COL28A1: variants seen among roughly 807,000 people sequenced by gnomAD.
COL28A1 encodes the protein collagen type XXVIII alpha 1 chain.
A neutral mutation model predicts 150.2 loss-of-function variants in COL28A1; 161 were observed. The ratio of observed to expected loss-of-function variants is 1.07; its 90% CI spans 0.94 to 1.22. The LOEUF (loss-of-function observed/expected upper bound fraction) is 1.22. Among genes scored for constraint, COL28A1 ranks in the 50% most tolerant of loss-of-function variants. The pLI is 0.00. For synonymous variants in COL28A1, 552 were observed against 469.7 expected (o/e 1.18, Z -2.26); for missense variants, 1,617 against 1,388.3 (o/e 1.16, Z -2.62).
At chr7:7,500,367 T>A (rs1484489143) in intron 11 of COL28A1, among the ~76,000 whole-genome samples, 1 of 152,236 alleles carries the variant, frequency 6.6e-6, no homozygotes, top group Non-Finnish European at 1.5e-5. Context: ...TGTGAATTAG[T>A]GTGCAAAGCA....
Position 7,432,489 on chromosome 7 carries a change from C to A in COL28A1, c.1982G>T (p.Gly661Val), listed in dbSNP as rs1785040353. ...PPGPMGLRGVGDTGAKGEPGV... is the reference protein window; with the variant it reads ...PPGPMGLRGVVDTGAKGEPGV... ...AAGTCTTACCTTTGCTCCAGTGTCT[C>A]CCACTCCACGTAAACCCATCGGCCC... Residue 661 changes from glycine (G) to valine (V), a missense_variant, in exon 25 of 35, where the codon GGA becomes GTA. Coordinates refer to ENST00000399429, the MANE Select transcript of COL28A1 (RefSeq NM_001037763.3). 1 of 1,613,946 alleles carries A rather than the reference C, an allele frequency of 6.2e-7. No individual in the cohort carries two copies. Among genetic ancestry groups the A allele is most frequent in the Non-Finnish European group, 8.5e-7 (1 of 1,179,974 alleles).
chr7:7,482,131 C>T (rs1414732048), intron 13 of COL28A1, among the ~76,000 whole-genome samples: 1 of 152,172 alleles, frequency 6.6e-6, no homozygotes, highest in Non-Finnish European at 1.5e-5. Context: ...ATACGAAACA[C>T]TTGAAATAAT....
chr7:7,393,977 G>GA (rs34143609), intron 27 of COL28A1, among the ~76,000 whole-genome samples: 14 of 148,416 alleles, frequency 9.4e-5, no homozygotes, highest in East Asian at 6.0e-4. Flanking sequence ...ACTGGGGTAT[G>GA]AAAAAAAAAA....
At chr7:7,540,303 T>C (rs1782762540), upstream of COL28A1, among the ~76,000 whole-genome samples, 1 of 152,234 alleles carries the variant, frequency 6.6e-6, no homozygotes, top group South Asian at 2.1e-4. Flanking sequence ...ATATTTCTAT[T>C]TTTCACTTAG....
intron 27 of COL28A1, among the ~76,000 whole-genome samples, chr7:7,381,953 T>G (rs1179242421): frequency 6.6e-6 from 1 of 152,192 alleles, no homozygotes; most frequent in African/African-American, 2.4e-5. Context: ...CTATTTCAGC[T>G]ATGGTAGTAA....
intron 13 of COL28A1, among the ~76,000 whole-genome samples, chr7:7,489,161 AT>A (rs1779782169): frequency 6.6e-6 from 1 of 152,126 alleles, no homozygotes; most frequent in African/African-American, 2.4e-5. Context: ...GTCCCAGCTA[AT>A]TAGAGGCTGA....
rs776437433 is a variant in COL28A1, at chr7:7,370,793, C to G, written c.2998G>C (p.Gly1000Arg). ...AGTTCTTCCCCTGACATCCCAAATC[C>G]AGGTTGAGGTGACGATGAACCAAAA... ...QIFGSSSPQP[G>R]FGMSGEELSE... The change falls in exon 33 of 35, where the codon GGA (glycine) becomes CGA (arginine). Residue 1000 changes from glycine to arginine, a missense_variant. By Grantham distance (125) the Gly-to-Arg change is moderately radical. Transcript: ENST00000399429. The G allele has an allele frequency of 1.2e-6, 2 of 1,613,642 alleles. No individual in the cohort carries two copies. Among genetic ancestry groups the G allele is most frequent in the Admixed American group, 3.3e-5 (2 of 59,994 alleles).
chr7:7,443,245 A>G (rs1226609744), intron 20 of COL28A1, among the ~76,000 whole-genome samples: 1 of 152,220 alleles, frequency 6.6e-6, no homozygotes, highest in Admixed American at 6.5e-5. Context: ...TTATTGCATG[A>G]GATTTTATAA....
At chr7:7,368,056 G>A (rs943179194) in intron 33 of COL28A1, among the ~76,000 whole-genome samples, 1 of 151,842 alleles carries the variant, frequency 6.6e-6, no homozygotes, top group African/African-American at 2.4e-5. Flanking sequence ...TCATTTTCCT[G>A]GACTATCACG....
At chr7:7,363,986 A>G (rs1780806026) in intron 33 of COL28A1, among the ~76,000 whole-genome samples, 1 of 152,100 alleles carries the variant, frequency 6.6e-6, no homozygotes, top group African/African-American at 2.4e-5. Flanking sequence ...CTACTCCCAG[A>G]ATATCTGGTC....
At chr7:7,362,923 T>G (rs1434485842) in intron 33 of COL28A1, among the ~76,000 whole-genome samples, 1 of 152,168 alleles carries the variant, frequency 6.6e-6, no homozygotes, top group Non-Finnish European at 1.5e-5. Flanking sequence ...CTCAAACTCC[T>G]GGCTTCAAGT....
chr7:7,532,579 C>T (rs184880619), intron 2 of COL28A1, among the ~76,000 whole-genome samples, 173 bp downstream of exon 2: 1 of 152,142 alleles, frequency 6.6e-6, no homozygotes, highest in African/African-American at 2.4e-5. Flanking sequence ...ATTAAAGACT[C>T]TGATGTGCTA....
intron 8 of COL28A1, among the ~76,000 whole-genome samples, chr7:7,514,144 A>G (rs1781296749): frequency 2.0e-5 from 3 of 152,060 alleles, no homozygotes; most frequent in Admixed American, 2.0e-4. Flanking sequence ...CCTTGTGTTG[A>G]TAACTACCTC....
At chr7:7,364,149 C>A (rs1182480339) in intron 33 of COL28A1, among the ~76,000 whole-genome samples, 2 of 152,188 alleles carry the variant, frequency 1.3e-5, no homozygotes, top group African/African-American at 4.8e-5. Flanking sequence ...ATGCACAGTA[C>A]CTTCTGACTC....
intron 11 of COL28A1, among the ~76,000 whole-genome samples, chr7:7,503,608 T>C (rs1179273785): frequency 6.6e-6 from 1 of 152,204 alleles, no homozygotes; most frequent in East Asian, 1.9e-4. Flanking sequence ...CAAAGTATAG[T>C]ACATTCTGGG....
At chr7:7,443,468 A>T in intron 20 of COL28A1, 117 bp downstream of exon 20, 1 of 1,458,136 alleles carries the variant, frequency 6.9e-7, no homozygotes, top group Non-Finnish European at 9.2e-7. Context: ...TCATACTTTT[A>T]AGCCAGACAT....
chr7:7,490,045 C>T (rs994325166), intron 12 of COL28A1, among the ~76,000 whole-genome samples: 3 of 152,184 alleles, frequency 2.0e-5, no homozygotes, highest in Non-Finnish European at 2.9e-5. Flanking sequence ...ATTGTCACAA[C>T]CACTTGGAAA....
At chr7:7,526,325 A>T (rs1363331302) in intron 3 of COL28A1, among the ~76,000 whole-genome samples, 1 of 150,022 alleles carries the variant, frequency 6.7e-6, no homozygotes, top group Non-Finnish European at 1.5e-5. Flanking sequence ...ACTACTCGGC[A>T]GTTAAAGTGA....
rs536154627 is a variant in COL28A1, at chr7:7,361,768, G to C, written c.3067-1240C>G. On this transcript the variant is annotated intron_variant, in intron 33 of 34. Transcript: ENST00000399429. ...TTGCAGCACTACTCACAATAGCAAA[G>C]ACTTGAACCAACCCAAATGCTCATC... 2.7e-4 allele frequency among the ~76,000 whole-genome samples: 16 copies of C among 58,214 alleles called. No homozygotes were observed. The Admixed American group carries it at 2.9e-3, about 11-fold the overall frequency. 38.2% of individuals were successfully genotyped at this position (58,214 alleles called of 152,430 possible).
Sources: allele counts gnomAD v4.1 joint callset (sites outside exome capture counted in the v4.1 genomes callset), GRCh38; gene constraint gnomAD v4.1.1; transcripts MANE v1.5; gene names NCBI Gene and HGNC (gene_info 2026-07-23, HGNC 2026-07-21).